The following TAF1B variants were observed in gnomAD, a reference collection of about 807,000 sequenced individuals.
The protein encoded by TAF1B is TATA box-binding protein-associated factor RNA polymerase I subunit B.
A neutral mutation model predicts 83.9 loss-of-function variants in TAF1B; 61 were observed. That is an observed-to-expected ratio of 0.73 (90% CI 0.59 to 0.90). The LOEUF is 0.90. Ranked by LOEUF, TAF1B falls within the 40% of genes least tolerant of loss-of-function variation. TAF1B has a pLI of 0.00. For missense variants in TAF1B, 625 were observed against 677.0 expected, an observed-to-expected ratio of 0.92 and a Z score of 0.85; for synonymous variants, 221 against 224.6, an observed-to-expected ratio of 0.98 and a Z score of 0.14.
chr2:9,925,467 A>G (rs562684812), intron 14 of TAF1B, among the ~76,000 whole-genome samples: 2 of 151,982 alleles, frequency 1.3e-5, no homozygotes, highest in Admixed American at 6.5e-5. Context: ...AAGTACTGTT[A>G]TTTTTTTCCG....
intron 2 of TAF1B, among the ~76,000 whole-genome samples, chr2:9,847,781 A>G (rs1388346044): frequency 1.3e-5 from 2 of 152,232 alleles, no homozygotes; most frequent in African/African-American, 2.4e-5. Context: ...AGAGCAATGC[A>G]TGTTTACTAT....
intron 7 of TAF1B, among the ~76,000 whole-genome samples, chr2:9,877,792 G>A (rs1664366767): frequency 6.6e-6 from 1 of 152,002 alleles, no homozygotes; most frequent in Admixed American, 6.6e-5. Context: ...ATATGTGGTT[G>A]GAATAATAGG....
At chr2:9,853,995 A>G (rs956221729) in intron 4 of TAF1B, among the ~76,000 whole-genome samples, 1 of 152,194 alleles carries the variant, frequency 6.6e-6, no homozygotes, top group Admixed American at 6.5e-5. Context: ...TGATGATATT[A>G]TAATTCTTTT....
intron 7 of TAF1B, among the ~76,000 whole-genome samples, chr2:9,878,614 A>G (rs780054450): frequency 3.3e-5 from 5 of 152,216 alleles, no homozygotes; most frequent in African/African-American, 4.8e-5. Context: ...CTACCTAGCA[A>G]TAATGGCATT....
intron 9 of TAF1B, among the ~76,000 whole-genome samples, chr2:9,910,168 GTGACTC>G (rs1432352202): frequency 5.3e-5 from 8 of 152,324 alleles, no homozygotes; most frequent in African/African-American, 1.9e-4. Context: ...CTGAGGCTAA[GTGACTC>G]TGATCCAAGA....
At chr2:9,878,632 A>T (rs1664396433) in intron 7 of TAF1B, among the ~76,000 whole-genome samples, 1 of 152,228 alleles carries the variant, frequency 6.6e-6, no homozygotes, top group Non-Finnish European at 1.5e-5. Flanking sequence ...ATTAATGAAT[A>T]AAAATAGCCA....
intron 14 of TAF1B, among the ~76,000 whole-genome samples, chr2:9,924,448 A>T (rs4668654): frequency 3.2e-4 from 48 of 152,030 alleles, no homozygotes; most frequent in African/African-American, 1.1e-3. Flanking sequence ...AGGGGAGCCA[A>T]CATCAGAATC....
intron 8 of TAF1B, among the ~76,000 whole-genome samples, chr2:9,886,933 C>G (rs1304365525): frequency 6.6e-6 from 1 of 152,046 alleles, no homozygotes; most frequent in Non-Finnish European, 1.5e-5. Flanking sequence ...AGCGTGGTGG[C>G]GCACAGCTTT....
chr2:9,882,886 A>C (rs965619849), intron 8 of TAF1B, 81 bp downstream of exon 8: 2 of 1,048,208 alleles, frequency 1.9e-6, no homozygotes, highest in African/African-American at 3.2e-5. Flanking sequence ...TGCTTGACTT[A>C]TTATTTGGTG....
intron 11 of TAF1B, among the ~76,000 whole-genome samples, chr2:9,912,488 A>T (rs549018056): frequency 6.6e-6 from 1 of 152,322 alleles, no homozygotes; most frequent in Admixed American, 6.5e-5. Flanking sequence ...CTTTCTGTAC[A>T]TTGCTCATGT....
intron 5 of TAF1B, among the ~76,000 whole-genome samples, chr2:9,856,375 A>G (rs1053540677): frequency 1.3e-5 from 2 of 152,122 alleles, no homozygotes; most frequent in African/African-American, 4.8e-5. Flanking sequence ...GAGATAATGA[A>G]TTTAAATAAA....
At chr2:9,843,707 G>A (rs992915870) in intron 1 of TAF1B, 148 bp downstream of exon 1, 5 of 913,966 alleles carry the variant, frequency 5.5e-6, no homozygotes. Context: ...GCGGGCTAAG[G>A]ACTGGGGCTG....
chr2:9,862,101 T>C (rs745846302), intron 5 of TAF1B, among the ~76,000 whole-genome samples: 9 of 152,172 alleles, frequency 5.9e-5, no homozygotes, highest in Non-Finnish European at 8.8e-5. Flanking sequence ...GAGAATGACA[T>C]TGACGAGTCG....
chr2:9,933,229 C>T (rs942465106), intron 14 of TAF1B, among the ~76,000 whole-genome samples: 1 of 152,198 alleles, frequency 6.6e-6, no homozygotes, highest in African/African-American at 2.4e-5. Context: ...AGAAATCACC[C>T]GTCTTCTGAT....
At chr2:9,930,101 AT>A (rs1572298746) in intron 14 of TAF1B, among the ~76,000 whole-genome samples, 1 of 151,034 alleles carries the variant, frequency 6.6e-6, no homozygotes, top group African/African-American at 2.4e-5. Flanking sequence ...CGGTCTATCA[AT>A]TTTTTTCATC....
At chr2:9,864,475 A>G (rs1439570860) in intron 5 of TAF1B, among the ~76,000 whole-genome samples, 2 of 152,162 alleles carry the variant, frequency 1.3e-5, no homozygotes, top group African/African-American at 4.8e-5. Context: ...AAAGTCCAGG[A>G]CCAGATGGAT....
intron 8 of TAF1B, among the ~76,000 whole-genome samples, chr2:9,887,082 A>G (rs1042635965): frequency 6.6e-6 from 1 of 152,056 alleles, no homozygotes; most frequent in Non-Finnish European, 1.5e-5. Context: ...AAAGATTTAT[A>G]TTGCCCACCT....
At position 9,933,576 on chromosome 2, in the gene TAF1B, T is replaced by C. The variant is rs144643320; in HGVS notation, c.1566-207T>C. On this transcript the variant is annotated intron_variant, in intron 14 of 14. Coordinates refer to ENST00000263663, the MANE Select transcript of TAF1B (RefSeq NM_005680.3). ...CTCTTAGCACCACCTGTGGCCCTTG[T>C]GTGGTGGCCATGGACAGTGTGAACA... Among the ~76,000 whole-genome samples the C allele has an allele frequency of 6.2e-3, 946 of 152,310 alleles. 5 individuals carry two copies. The highest frequency in any genetic ancestry group is 0.01 in the Middle Eastern group (3 of 294).
intron 14 of TAF1B, among the ~76,000 whole-genome samples, chr2:9,932,482 TG>T: frequency 6.6e-6 from 1 of 152,354 alleles, no homozygotes; most frequent in South Asian, 2.1e-4. Flanking sequence ...CCTGTTTGCC[TG>T]GGTATCACCA....
Sources: allele counts gnomAD v4.1 joint callset (sites outside exome capture counted in the v4.1 genomes callset), GRCh38; gene constraint gnomAD v4.1.1; transcripts MANE v1.5; gene names NCBI Gene and HGNC (gene_info 2026-07-23, HGNC 2026-07-21).